The following CCDC125 variants were observed in gnomAD, a reference collection of about 807,000 sequenced individuals.
CCDC125 encodes coiled-coil domain containing 125.
Under a neutral mutation model 57.4 loss-of-function variants are expected in CCDC125, and 43 were observed. The observed-to-expected ratio is 0.75, with a 90% CI of 0.59 to 0.97. The LOEUF is 0.97. Ranked by LOEUF, CCDC125 falls within the 50% of genes least tolerant of loss-of-function variation. CCDC125 has a pLI of 0.00. For missense variants in CCDC125, 563 were observed against 595.7 expected, an observed-to-expected ratio of 0.95 and a Z score of 0.57; for synonymous variants, 187 against 195.2, an observed-to-expected ratio of 0.96 and a Z score of 0.35.
intron 2 of CCDC125, among the ~76,000 whole-genome samples, 181 bp from the exon 3 acceptor site, chr5:69,314,227 G>T (rs1758631603): frequency 1.3e-5 from 2 of 152,144 alleles, no homozygotes; most frequent in South Asian, 2.1e-4. Flanking sequence ...CACTCTGGGA[G>T]GCCGAGGCGG....
In CCDC125 at chr5:69,316,444, G is replaced by A. The variant is rs113276378; in HGVS notation, c.305-2398C>T. 2.2e-3 allele frequency among the ~76,000 whole-genome samples: 337 copies of A among 152,314 alleles called. 1 individual carries two copies. The highest frequency in any genetic ancestry group is 7.9e-3 in the African/African-American group (330 of 41,576). On this transcript the variant is annotated intron_variant, in intron 2 of 11. Transcript: ENST00000396496. ...GCTTTGAAGATGGGGAGGGGGCCATGAGCCAAGGAATGCAGTAGCCTCTGG... is the reference window on the plus strand; with the variant it reads ...GCTTTGAAGATGGGGAGGGGGCCATAAGCCAAGGAATGCAGTAGCCTCTGG...
rs11749723 is a variant in CCDC125 at position 69,314,058 on chromosome 5, G to C, written c.305-12C>G. The C allele has an allele frequency of 1.9e-6, 3 of 1,585,216 alleles. No individual in the cohort carries two copies. In the African/African-American group the frequency reaches 4.0e-5, roughly 21 times the overall value. On this transcript the variant is annotated splice_polypyrimidine_tract_variant and intron_variant, in intron 2 of 11. Transcript: ENST00000396496. The stretch of plus-strand genomic sequence containing the variant: ...TGAATTCGAATCTACTTGGGAGGGA[G>C]GAGAAAAGAATCTATTAGGGGAAAA...
intron 6 of CCDC125, among the ~76,000 whole-genome samples, chr5:69,305,338 T>G (rs1757165202): frequency 6.6e-6 from 1 of 152,056 alleles, no homozygotes; most frequent in Non-Finnish European, 1.5e-5. Context: ...CTCAGTCTCC[T>G]GAGTAGCTGG....
intron 3 of CCDC125, among the ~76,000 whole-genome samples, chr5:69,311,530 T>C (rs1702592509): frequency 6.6e-6 from 1 of 152,054 alleles, no homozygotes; most frequent in African/African-American, 2.4e-5. Context: ...TGCATGCCTG[T>C]AATCCTAGCT....
At position 69,314,005 on chromosome 5, in the gene CCDC125, A is replaced by G; in HGVS notation, c.346T>C (p.Cys116Arg). 1.4e-5 allele frequency: 22 copies of G among 1,610,258 alleles called. No homozygotes were observed. Among genetic ancestry groups the G allele is most frequent in the Non-Finnish European group, 1.9e-5 (22 of 1,176,522 alleles). The change falls in exon 3 of 12, where the codon TGT becomes CGT. Residue 116 changes from cysteine (C) to arginine (R), a missense_variant. By Grantham distance (180) the Cys-to-Arg change is radical. Transcript: ENST00000396496. ...CCTACCTCTAAAGTTTCATTAAGAC[A>G]TTGCCTTAATTCTTCATTTGACAAT... is the stretch of plus-strand genomic sequence containing the variant. ...SELSNEELRQCLNETLEEVEM... is the reference protein window; with the variant it reads ...SELSNEELRQRLNETLEEVEM...
At chr5:69,275,725 G>T (rs1752058452), downstream of CCDC125, among the ~76,000 whole-genome samples, 1 of 152,148 alleles carries the variant, frequency 6.6e-6, no homozygotes, top group African/African-American at 2.4e-5. Flanking sequence ...TGTAATCCTA[G>T]CTCTTAGGGA....
In CCDC125 at chr5:69,312,759, A is replaced by G. The variant is rs114724324; in HGVS notation, c.366+1226T>C. ...GGCCAGTTGAAAAAGATGAGCTCTC[A>G]AGTTCAGCAAGAATGTCTGGAAAGC... On this transcript the variant is annotated intron_variant, in intron 3 of 11. Coordinates refer to ENST00000396496, the MANE Select transcript of CCDC125 (RefSeq NM_176816.5). Among the ~76,000 whole-genome samples, 470 of 152,332 alleles carry G rather than the reference A, an allele frequency of 3.1e-3. 1 individual carries two copies. Among genetic ancestry groups the G allele is most frequent in the African/African-American group, 0.011 (458 of 41,586 alleles).
In CCDC125 at chr5:69,318,068, G is replaced by A. The variant is rs1390904562; in HGVS notation, c.304+2169C>T. On this transcript the variant is annotated intron_variant, in intron 2 of 11. Coordinates refer to ENST00000396496, the MANE Select transcript of CCDC125 (RefSeq NM_176816.5). ...GCGATCTCGGCTCACTGCAACTTCC[G>A]CCTCCCAGGTTCACGTGATTCTCCT... 3.0e-5 allele frequency among the ~76,000 whole-genome samples: 4 copies of A among 133,282 alleles called. No individual in the cohort carries two copies. The South Asian group carries it at 7.7e-4, about 26-fold the overall frequency. The allele number at this position is 133,282 out of a possible 152,430, so 87.4% of individuals were successfully genotyped here. A position where few individuals can be genotyped will look rare whatever the true frequency, so the allele number is the denominator to read the frequency against.
intron 1 of CCDC125, among the ~76,000 whole-genome samples, chr5:69,332,210 AT>A (rs1761503474): frequency 6.6e-6 from 1 of 152,184 alleles, no homozygotes; most frequent in Non-Finnish European, 1.5e-5. Flanking sequence ...TTTTAGAATA[AT>A]TTTAGATGTA....
At chr5:69,296,000 C>T (rs1172272949) in intron 8 of CCDC125, among the ~76,000 whole-genome samples, 1 of 151,672 alleles carries the variant, frequency 6.6e-6, no homozygotes, top group Non-Finnish European at 1.5e-5. Flanking sequence ...TGTCCTGCCT[C>T]AGCCTCCCGA....
At chr5:69,277,144 C>T (rs748884249), downstream of CCDC125, 3 of 1,592,340 alleles carry the variant, frequency 1.9e-6, no homozygotes, top group Middle Eastern at 1.7e-4. Flanking sequence ...AAAGAGAACA[C>T]TGGACAACAT....
chr5:69,296,981 CA>C (rs1244483422), intron 8 of CCDC125, among the ~76,000 whole-genome samples: 19 of 152,250 alleles, frequency 1.2e-4, no homozygotes, highest in African/African-American at 4.6e-4. Context: ...AAGCTAACCA[CA>C]AATACTTTCC....
chr5:69,291,342 A>C (rs1754421640), intron 10 of CCDC125, among the ~76,000 whole-genome samples: 5 of 152,058 alleles, frequency 3.3e-5, no homozygotes, highest in Admixed American at 3.3e-4. Context: ...TAATACACAG[A>C]TATAATAATA....
At chr5:69,315,295 G>A (rs1233445669) in intron 2 of CCDC125, among the ~76,000 whole-genome samples, 1 of 151,660 alleles carries the variant, frequency 6.6e-6, no homozygotes, top group Non-Finnish European at 1.5e-5. Flanking sequence ...GGGCACGGTG[G>A]CTTACACCTG....
intron 1 of CCDC125, among the ~76,000 whole-genome samples, chr5:69,329,073 G>A (rs1487576613): frequency 7.2e-5 from 11 of 152,128 alleles, no homozygotes; most frequent in South Asian, 2.1e-4. Flanking sequence ...GATTAGAGGC[G>A]TGAGCCACCA....
In CCDC125 at chr5:69,315,379, T is replaced by C. The variant is rs562068498; in HGVS notation, c.305-1333A>G. ...GGAGTTTAAGACCAGCCTGTCTACATGGTGAAACCCTGTCTCTACTAAAAA... is the reference window on the plus strand; with the variant it reads ...GGAGTTTAAGACCAGCCTGTCTACACGGTGAAACCCTGTCTCTACTAAAAA... On this transcript the variant is annotated intron_variant, in intron 2 of 11. Transcript: ENST00000396496. Among the ~76,000 whole-genome samples the C allele has an allele frequency of 1.8e-3, 256 of 143,554 alleles. 1 individual carries two copies. The highest frequency in any genetic ancestry group is 3.1e-3 in the Non-Finnish European group (209 of 67,012). 94.2% of individuals were successfully genotyped at this position (143,554 alleles called of 152,430 possible).
Position 69,306,823 on chromosome 5 carries a change from T to C in CCDC125, c.611A>G (p.Tyr204Cys). 1 of 1,494,276 alleles carries C rather than the reference T, an allele frequency of 6.7e-7. No individual in the cohort carries two copies. The highest frequency in any genetic ancestry group is 8.9e-7 in the Non-Finnish European group (1 of 1,124,932). The allele number at this position is 1,494,276 out of a possible 1,614,324, so 92.6% of individuals were successfully genotyped here. ...KNIEESWIQK[Y>C]DRLNCENAVL... ...AATGGAGTAATATACAAACCTGTCA[T>C]ATTTTTGGATCCAAGATTCCTCTAT... is the stretch of plus-strand genomic sequence containing the variant. Residue 204 changes from tyrosine to cysteine, a missense_variant, in exon 6 of 12, where the codon TAT becomes TGT. Physicochemically the swap from Tyr to Cys is radical, Grantham distance 194 (BLOSUM62 -2). Transcript: ENST00000396496.
At chr5:69,305,735 C>T (rs1180368582) in intron 6 of CCDC125, among the ~76,000 whole-genome samples, 1 of 152,214 alleles carries the variant, frequency 6.6e-6, no homozygotes, top group Non-Finnish European at 1.5e-5. Context: ...AAGCAGCTGA[C>T]TGACAACCAC....
At chr5:69,277,677 G>A (rs1178290812), downstream of CCDC125, among the ~76,000 whole-genome samples, 1 of 151,960 alleles carries the variant, frequency 6.6e-6, no homozygotes, top group East Asian at 1.9e-4. Flanking sequence ...GGCTGAGGCA[G>A]GAGAATGGCG....
Sources: allele counts gnomAD v4.1 joint callset (sites outside exome capture counted in the v4.1 genomes callset), GRCh38; gene constraint gnomAD v4.1.1; transcripts MANE v1.5; gene names NCBI Gene and HGNC (gene_info 2026-07-23, HGNC 2026-07-21).